Variants in ADGRL3 observed in about 807,000 individuals in gnomAD.
ADGRL3 encodes the protein adhesion G protein-coupled receptor L3.
In ADGRL3, 62 loss-of-function variants were observed where a neutral mutation model predicts 153.5. That is an observed-to-expected ratio of 0.40 (90% CI 0.33 to 0.50). ADGRL3 has a LOEUF of 0.50. Ranked by LOEUF, ADGRL3 falls within the 20% of genes least tolerant of loss-of-function variation. The pLI is 0.47. For synonymous variants in ADGRL3, 710 were observed against 672.5 expected (o/e 1.06, Z -0.86); for missense variants, 1,641 against 1,859.4 (o/e 0.88, Z 2.16).
intron 9 of ADGRL3, among the ~76,000 whole-genome samples, chr4:61,857,583 A>G (rs1014154418): frequency 2.0e-5 from 3 of 151,612 alleles, no homozygotes; most frequent in African/African-American, 7.3e-5. Context: ...AAGATTATAG[A>G]TTATACACAG....
chr4:61,207,684 A>G (rs1032072941), intron 1 of ADGRL3, among the ~76,000 whole-genome samples: 44 of 152,120 alleles, frequency 2.9e-4, no homozygotes, highest in Admixed American at 2.0e-4. Context: ...AAGCATTCCT[A>G]TTTCTCCATA....
intron 8 of ADGRL3, among the ~76,000 whole-genome samples, chr4:61,770,200 T>A (rs2097066872): frequency 6.6e-6 from 1 of 152,268 alleles, no homozygotes; most frequent in Admixed American, 6.5e-5. Flanking sequence ...AAGTTAGGGT[T>A]ACCTGTTTAC....
chr4:61,370,678 G>A (rs1211004544), intron 1 of ADGRL3, among the ~76,000 whole-genome samples: 3 of 151,756 alleles, frequency 2.0e-5, no homozygotes, highest in Non-Finnish European at 4.4e-5. Context: ...AATAGGTGTG[G>A]TATGGTGCTG....
intron 2 of ADGRL3, among the ~76,000 whole-genome samples, chr4:61,440,457 C>A (rs1030441979): frequency 2.0e-5 from 3 of 152,180 alleles, no homozygotes; most frequent in Non-Finnish European, 4.4e-5. Context: ...AGTAATTGGG[C>A]AGCTCAAATC....
intron 5 of ADGRL3, among the ~76,000 whole-genome samples, chr4:61,639,243 G>A (rs2093560630): frequency 6.6e-6 from 1 of 152,086 alleles, no homozygotes; most frequent in South Asian, 2.1e-4. Flanking sequence ...AATGTTAGGT[G>A]TATTGTGATG....
At chr4:61,507,395 A>G (rs1317108777) in intron 3 of ADGRL3, among the ~76,000 whole-genome samples, 2 of 152,152 alleles carry the variant, frequency 1.3e-5, no homozygotes, top group Admixed American at 6.5e-5. Flanking sequence ...CCCTCTGCAG[A>G]CAGATAAAAA....
chr4:61,554,553 T>A (rs141953592), intron 4 of ADGRL3, among the ~76,000 whole-genome samples: 4 of 152,244 alleles, frequency 2.6e-5, no homozygotes, highest in African/African-American at 9.6e-5. Flanking sequence ...CTTACCACTA[T>A]CTGTGTAGGT....
intron 2 of ADGRL3, among the ~76,000 whole-genome samples, chr4:61,470,229 G>A (rs2097930676): frequency 1.3e-5 from 2 of 151,856 alleles, no homozygotes; most frequent in African/African-American, 4.8e-5. Flanking sequence ...TCCATGCTGA[G>A]CATTCCAGAA....
At chr4:61,433,116 C>G (rs1012352817) in intron 2 of ADGRL3, among the ~76,000 whole-genome samples, 16 of 152,034 alleles carry the variant, frequency 1.1e-4, no homozygotes, top group African/African-American at 3.9e-4. Flanking sequence ...TATATTTGTG[C>G]TATAATGTTA....
chr4:61,305,299 C>A (rs1456876163), intron 1 of ADGRL3, among the ~76,000 whole-genome samples: 1 of 152,012 alleles, frequency 6.6e-6, no homozygotes, highest in Non-Finnish European at 1.5e-5. Flanking sequence ...TCAGTAGCAA[C>A]ACACATGTAT....
intron 25 of ADGRL3, among the ~76,000 whole-genome samples, chr4:62,051,070 T>C (rs1733842104): frequency 6.6e-6 from 1 of 150,552 alleles, no homozygotes; most frequent in African/African-American, 2.4e-5. Flanking sequence ...GCGTTCTGTG[T>C]GTGTGTATAT....
intron 1 of ADGRL3, among the ~76,000 whole-genome samples, chr4:61,245,312 A>G (rs1756618085): frequency 6.6e-6 from 1 of 151,964 alleles, no homozygotes. Context: ...CTCATCTATC[A>G]TGCTCTTTGT....
Position 62,070,696 on chromosome 4 carries a change from A to G in ADGRL3, c.4420A>G (p.Thr1474Ala), listed in dbSNP as rs1326708384. 6.4e-7 allele frequency: 1 copy of G among 1,551,320 alleles called. No individual in the cohort carries two copies. The highest frequency in any genetic ancestry group is 1.4e-5 in the African/African-American group (1 of 73,022). ...AGAGAGTGTTACCACCAGCACCCAGACCGAACCCCCACCGGCCAAATGTGG... is the reference window on the plus strand; with the variant it reads ...AGAGAGTGTTACCACCAGCACCCAGGCCGAACCCCCACCGGCCAAATGTGG... ...ATESVTTSTQTEPPPAKCGDA... is the reference protein window; with the variant it reads ...ATESVTTSTQAEPPPAKCGDA... Residue 1474 changes from threonine to alanine, a missense_variant, in exon 27 of 27, where the codon ACC becomes GCC. This residue lies in a region of ADGRL3 where 517 missense variants were observed against 555.0 expected (regional missense o/e 0.93). Transcript: ENST00000683033.
intron 8 of ADGRL3, among the ~76,000 whole-genome samples, chr4:61,757,588 T>C (rs941180273): frequency 1.9e-4 from 29 of 152,294 alleles, no homozygotes; most frequent in African/African-American, 7.0e-4. Flanking sequence ...ATTCATTGAT[T>C]TTTTGAAGGG....
intron 1 of ADGRL3, among the ~76,000 whole-genome samples, chr4:61,372,823 C>T (rs912161777): frequency 6.6e-6 from 1 of 152,194 alleles, no homozygotes; most frequent in African/African-American, 2.4e-5. Flanking sequence ...CGCCCCTCCC[C>T]CAGTCTCGCT....
At chr4:61,677,325 G>A in intron 6 of ADGRL3, 1 of 361,598 alleles carries the variant, frequency 2.8e-6, no homozygotes, top group Middle Eastern at 3.8e-4. Flanking sequence ...GAATTTGATA[G>A]AATTGTATCT....
At chr4:62,058,220 C>T (rs961775531) in intron 25 of ADGRL3, among the ~76,000 whole-genome samples, 5 of 151,772 alleles carry the variant, frequency 3.3e-5, no homozygotes, top group Non-Finnish European at 7.4e-5. Context: ...TGTTGTTATC[C>T]GCAGTTAGTA....
At chr4:61,634,950 C>T (rs541397157) in intron 5 of ADGRL3, among the ~76,000 whole-genome samples, 2 of 152,162 alleles carry the variant, frequency 1.3e-5, no homozygotes, top group Non-Finnish European at 2.9e-5. Flanking sequence ...TCCTATTCCA[C>T]ATCTCTTTTC....
At chr4:61,307,244 A>C (rs1163428629) in intron 1 of ADGRL3, among the ~76,000 whole-genome samples, 1 of 152,190 alleles carries the variant, frequency 6.6e-6, no homozygotes, top group African/African-American at 2.4e-5. Context: ...TATAATAATG[A>C]AAAATGGTTA....
Sources: allele counts gnomAD v4.1 joint callset (sites outside exome capture counted in the v4.1 genomes callset), GRCh38; gene constraint gnomAD v4.1.1; regional missense constraint gnomAD v4.1.1; transcripts MANE v1.5; gene names NCBI Gene and HGNC (gene_info 2026-07-23, HGNC 2026-07-21).